Variants in SUPT3H observed in about 807,000 individuals in gnomAD.
SUPT3H encodes the protein SPT3 homolog, SAGA and STAGA complex component, also known as transcription initiation protein SPT3 homolog.
SUPT3H carries 44 observed loss-of-function variants against 44.3 expected under a neutral mutation model. The observed-to-expected ratio is 0.99, with a 90% CI of 0.78 to 1.28. The LOEUF (loss-of-function observed/expected upper bound fraction) is 1.28, where lower values mean the gene tolerates loss of function less well. SUPT3H is among the 50% of genes most tolerant of loss of function. SUPT3H has a pLI of 0.00. For synonymous variants in SUPT3H, 124 were observed against 125.6 expected (o/e 0.99, Z 0.09); for missense variants, 380 against 387.1 (o/e 0.98, Z 0.15).
intron 2 of SUPT3H, among the ~76,000 whole-genome samples, chr6:45,142,654 T>C (rs1805402810): frequency 7.0e-6 from 1 of 142,604 alleles, no homozygotes; most frequent in Non-Finnish European, 1.5e-5. Context: ...GAGAATCGCT[T>C]GATCCTGGGA....
At chr6:45,342,641 A>G (rs1463633760) in intron 2 of SUPT3H, among the ~76,000 whole-genome samples, 1 of 152,216 alleles carries the variant, frequency 6.6e-6, no homozygotes, top group Admixed American at 6.5e-5. Flanking sequence ...AGGTTTACAC[A>G]GTAGCAGGAT....
chr6:45,294,779 C>T (rs1780885742), intron 2 of SUPT3H, among the ~76,000 whole-genome samples: 1 of 121,348 alleles, frequency 8.2e-6, no homozygotes, highest in African/African-American at 3.1e-5. Flanking sequence ...TAGGAATATA[C>T]CTAACCAAGG....
chr6:45,162,464 C>T (rs1277520943), intron 2 of SUPT3H, among the ~76,000 whole-genome samples: 1 of 152,084 alleles, frequency 6.6e-6, no homozygotes, highest in Non-Finnish European at 1.5e-5. Flanking sequence ...TTTGAGGCTC[C>T]AGTGAGCCAA....
At chr6:45,175,038 A>C (rs1244300464) in intron 2 of SUPT3H, among the ~76,000 whole-genome samples, 1 of 150,148 alleles carries the variant, frequency 6.7e-6, no homozygotes, top group Non-Finnish European at 1.5e-5. Flanking sequence ...AAAAAAAAAA[A>C]AATTAAAAAA....
intron 4 of SUPT3H, among the ~76,000 whole-genome samples, chr6:45,017,933 G>A (rs1224283419): frequency 6.7e-6 from 1 of 149,042 alleles, no homozygotes; most frequent in Non-Finnish European, 1.5e-5. Flanking sequence ...AAATTACCTT[G>A]GGCAGTATGG....
chr6:45,077,984 G>A (rs1795247341), intron 3 of SUPT3H, among the ~76,000 whole-genome samples: 1 of 151,998 alleles, frequency 6.6e-6, no homozygotes, highest in Non-Finnish European at 1.5e-5. Flanking sequence ...TGGGGGGGTG[G>A]GGGAACACAC....
intron 2 of SUPT3H, among the ~76,000 whole-genome samples, chr6:45,344,569 G>C (rs567720219): frequency 6.6e-6 from 1 of 151,766 alleles, no homozygotes; most frequent in South Asian, 2.1e-4. Context: ...ACTGCTTTAC[G>C]ATATGCACAA....
intron 2 of SUPT3H, among the ~76,000 whole-genome samples, chr6:45,108,642 C>T (rs1157249330): frequency 2.0e-5 from 3 of 152,128 alleles, no homozygotes; most frequent in African/African-American, 7.2e-5. Context: ...CCAGCAACCA[C>T]TCATGACATA....
intron 2 of SUPT3H, among the ~76,000 whole-genome samples, chr6:45,204,250 A>AAAGAAGAAGAAGAAGAAG (rs59918814): frequency 0.063 from 9,011 of 143,060 alleles, 417 homozygotes; most frequent in African/African-American, 0.1. Flanking sequence ...CCGTCTCAAA[A>AAAGAAGAAGAAGAAGAAG]AAGAAGAAGA....
At chr6:44,852,479 G>A (rs574606339) in intron 10 of SUPT3H, among the ~76,000 whole-genome samples, 56 of 152,184 alleles carry the variant, frequency 3.7e-4, no homozygotes, top group Non-Finnish European at 6.8e-4. Flanking sequence ...TGGTTCTAAG[G>A]CTATTGAAGG....
chr6:45,160,129 A>G (rs1808697028), intron 2 of SUPT3H, among the ~76,000 whole-genome samples: 1 of 152,342 alleles, frequency 6.6e-6, no homozygotes, highest in Non-Finnish European at 1.5e-5. Flanking sequence ...ATTAACAAGG[A>G]TACCGAAATG....
chr6:45,170,554 T>C (rs1024915112), intron 2 of SUPT3H, among the ~76,000 whole-genome samples: 3 of 152,368 alleles, frequency 2.0e-5, no homozygotes, highest in African/African-American at 7.2e-5. Context: ...AGCCCATCTG[T>C]GTAGTTTATC....
chr6:44,880,688 G>A (rs973360323), intron 10 of SUPT3H, among the ~76,000 whole-genome samples: 2 of 152,140 alleles, frequency 1.3e-5, no homozygotes, highest in African/African-American at 2.4e-5. Context: ...GTAAGAAAGG[G>A]TTACCGACAA....
intron 2 of SUPT3H, among the ~76,000 whole-genome samples, chr6:45,323,818 C>A (rs1785922092): frequency 6.6e-6 from 1 of 152,010 alleles, no homozygotes; most frequent in South Asian, 2.1e-4. Flanking sequence ...TTCCATAGCA[C>A]AAAGTTACAG....
Position 44,976,746 on chromosome 6 carries a change from T to G in SUPT3H, c.505-14918A>C, listed in dbSNP as rs149066015. Among the ~76,000 whole-genome samples the G allele has an allele frequency of 8.0e-3, 1,219 of 152,260 alleles. 12 individuals are homozygous for G. The highest frequency in any genetic ancestry group is 0.011 in the Non-Finnish European group (725 of 68,012). The stretch of plus-strand genomic sequence containing the variant: ...ACAGAAATAATCTTTAAAATAATTG[T>G]GGGTGTGAAAATCTTTGAATTATAA... On this transcript the variant is annotated intron_variant, in intron 6 of 10. Coordinates refer to ENST00000371459, the MANE Select transcript of SUPT3H (RefSeq NM_003599.4).
chr6:44,961,129 C>T (rs1405651945), intron 7 of SUPT3H, among the ~76,000 whole-genome samples: 1 of 152,098 alleles, frequency 6.6e-6, no homozygotes, highest in Non-Finnish European at 1.5e-5. Flanking sequence ...TGTTTTGCTA[C>T]ACAATCTAGC....
Position 44,886,147 on chromosome 6 carries a change from T to A in SUPT3H, c.912+46506A>T, listed in dbSNP as rs558195449. On this transcript the variant is annotated intron_variant, in intron 10 of 10. Coordinates refer to ENST00000371459, the MANE Select transcript of SUPT3H (RefSeq NM_003599.4). ...GACCAAATCTGAGTCTGATTGGTGTTCCTGAAAGTGACGGGGGAGAATGGA... is the reference window on the plus strand; with the variant it reads ...GACCAAATCTGAGTCTGATTGGTGTACCTGAAAGTGACGGGGGAGAATGGA... Among the ~76,000 whole-genome samples, 60 of 152,298 alleles carry A rather than the reference T, an allele frequency of 3.9e-4. 1 individual carries two copies. The highest frequency in any genetic ancestry group is 3.9e-3 in the South Asian group (19 of 4,826).
chr6:45,076,221 T>G (rs561573127), intron 3 of SUPT3H, among the ~76,000 whole-genome samples: 1 of 152,180 alleles, frequency 6.6e-6, no homozygotes, highest in Non-Finnish European at 1.5e-5. Context: ...ATTTAAGTTG[T>G]GTTAACTATA....
chr6:45,250,043 C>G (rs1278273025), intron 2 of SUPT3H, among the ~76,000 whole-genome samples: 1 of 152,030 alleles, frequency 6.6e-6, no homozygotes, highest in African/African-American at 2.4e-5. Context: ...ACTGAGGAAT[C>G]CTGCACAAAA....
Sources: gnomAD v4.1 joint callset for allele counts (sites outside exome capture counted in the v4.1 genomes callset) on GRCh38, gnomAD v4.1.1 for gene constraint, MANE v1.5 for transcripts, NCBI Gene and HGNC (gene_info 2026-07-23, HGNC 2026-07-21) for gene names.